The following ADAM12 variants were observed in gnomAD, a reference collection of about 807,000 sequenced individuals.
ADAM12 encodes the protein ADAM metallopeptidase domain 12.
In ADAM12, 70 loss-of-function variants were observed where a neutral mutation model predicts 106.4. That is an observed-to-expected ratio of 0.66 (90% CI 0.54 to 0.80). The LOEUF (loss-of-function observed/expected upper bound fraction) is 0.80. Ranked by LOEUF, ADAM12 falls within the 30% of genes least tolerant of loss-of-function variation. The pLI, the probability that ADAM12 is intolerant of heterozygous loss-of-function variation, is 0.00. For synonymous variants in ADAM12, 420 were observed against 433.5 expected (o/e 0.97, Z 0.39); for missense variants, 1,010 against 1,171.9 (o/e 0.86, Z 2.02).
Position 126,066,830 on chromosome 10 carries a change from T to C in ADAM12, c.1324-24A>G, listed in dbSNP as rs1407565170. The C allele has an allele frequency of 6.2e-7, 1 of 1,603,316 alleles. No individual in the cohort carries two copies. Among genetic ancestry groups the C allele is most frequent in the Non-Finnish European group, 8.5e-7 (1 of 1,170,498 alleles). The stretch of plus-strand genomic sequence containing the variant: ...TCCTGGAAAGGGGAATGGCATTTGT[T>C]TGACAGGGTCTTATGGAGTATGCAC... On this transcript the variant is annotated intron_variant, in intron 12 of 22. Transcript: ENST00000448723. This position sits in a 1 kb window ranked among gnomAD's most constrained non-coding sequence, Gnocchi z 5.1.
At chr10:126,164,030 A>G (rs1336975131) in intron 3 of ADAM12, among the ~76,000 whole-genome samples, 1 of 152,230 alleles carries the variant, frequency 6.6e-6, no homozygotes, top group East Asian at 1.9e-4. Context: ...CATTATTTCA[A>G]GAATTCTGAA....
intron 3 of ADAM12, among the ~76,000 whole-genome samples, chr10:126,221,960 C>G (rs1034948629): frequency 6.6e-6 from 1 of 152,206 alleles, no homozygotes; most frequent in African/African-American, 2.4e-5. Flanking sequence ...CAGGTTAGGT[C>G]ACAAGAAGTC....
chr10:126,084,491 A>G (rs1022868474), intron 11 of ADAM12, among the ~76,000 whole-genome samples: 8 of 152,220 alleles, frequency 5.3e-5, no homozygotes, highest in Non-Finnish European at 1.0e-4. Context: ...GACAGTGGGC[A>G]TGTCTGAAAT....
At chr10:126,215,165 G>T (rs1323778989) in intron 3 of ADAM12, among the ~76,000 whole-genome samples, 1 of 152,168 alleles carries the variant, frequency 6.6e-6, no homozygotes, top group Non-Finnish European at 1.5e-5. Flanking sequence ...TGTGGTTCTG[G>T]TCTACCTGGG....
At chr10:126,328,044 C>T (rs1249538417) in intron 2 of ADAM12, among the ~76,000 whole-genome samples, 1 of 152,222 alleles carries the variant, frequency 6.6e-6, no homozygotes, top group Non-Finnish European at 1.5e-5. Flanking sequence ...ACTATCTTTC[C>T]TTCTTAGAAA....
At chr10:126,210,588 T>C (rs1957882994) in intron 3 of ADAM12, among the ~76,000 whole-genome samples, 1 of 152,148 alleles carries the variant, frequency 6.6e-6, no homozygotes, top group South Asian at 2.1e-4. Flanking sequence ...GACTGTTGAA[T>C]AAAAGAAGTC....
chr10:126,041,765 C>G, intron 18 of ADAM12: 5 of 1,070,822 alleles, frequency 4.7e-6, no homozygotes, highest in Non-Finnish European at 5.7e-6. Context: ...CTGGGCCCAA[C>G]CCTTGCTTCT....
intron 14 of ADAM12, among the ~76,000 whole-genome samples, chr10:126,063,694 AAG>A (rs1239268647): frequency 6.6e-6 from 1 of 152,180 alleles, no homozygotes; most frequent in African/African-American, 2.4e-5. Context: ...TCATAAGGGA[AAG>A]AGAACTGCAG....
chr10:126,159,307 C>CAAAAAAAAA lies in ADAM12; in HGVS notation c.261-4011_261-4003dup, dbSNP rs3069557. Among the ~76,000 whole-genome samples the CAAAAAAAAA allele has an allele frequency of 1.8e-3, 148 of 80,582 alleles. 13 individuals are homozygous for CAAAAAAAAA. Among genetic ancestry groups the CAAAAAAAAA allele is most frequent in the East Asian group, 8.0e-3 (23 of 2,888 alleles). The allele number at this position is 80,582 out of a possible 152,430, so 52.9% of individuals were successfully genotyped here. ...CCTGGGCAACAGAGCGAGACTCCAT[C>CAAAAAAAAA]AAAAAAAAAAAAAAAAAAAAAAAAG... On this transcript the variant is annotated intron_variant, in intron 3 of 22. Coordinates refer to ENST00000448723, the MANE Select transcript of ADAM12 (RefSeq NM_001288973.2).
chr10:126,372,140 C>T (rs1032191630), intron 1 of ADAM12, among the ~76,000 whole-genome samples: 1 of 152,176 alleles, frequency 6.6e-6, no homozygotes, highest in South Asian at 2.1e-4. Flanking sequence ...TTCTCTGCCA[C>T]CCCCTCTGTC....
chr10:126,384,454 GGA>G, intron 1 of ADAM12, among the ~76,000 whole-genome samples: 1 of 152,248 alleles, frequency 6.6e-6, no homozygotes, highest in South Asian at 2.1e-4. Context: ...ATTCAACACA[GGA>G]AGGATGCAAG....
At chr10:126,370,266 G>A (rs181647077) in intron 1 of ADAM12, among the ~76,000 whole-genome samples, 160 of 152,330 alleles carry the variant, frequency 1.1e-3, no homozygotes, top group African/African-American at 3.6e-3. Context: ...AGGTGTGATA[G>A]TAAGCCACTA....
chr10:126,094,142 A>G lies in ADAM12; in HGVS notation c.997-9T>C. On this transcript the variant is annotated splice_polypyrimidine_tract_variant and intron_variant, in intron 10 of 22. Transcript: ENST00000448723. ...GGATTGTCTGAATGGTCCTCAAAGA[A>G]AACACAAAAGTACAGGTGTATAATT... 1 of 1,613,250 alleles carries G rather than the reference A, an allele frequency of 6.2e-7. No individual in the cohort carries two copies. The highest frequency in any genetic ancestry group is 1.1e-5 in the South Asian group (1 of 90,932).
chr10:126,044,239 C>T (rs1449678491), intron 17 of ADAM12, among the ~76,000 whole-genome samples: 3 of 151,068 alleles, frequency 2.0e-5, no homozygotes, highest in African/African-American at 7.3e-5. Context: ...AGTTCAAGAC[C>T]AGCCTAGCCA....
At chr10:126,203,934 G>GCT (rs1957748108) in intron 3 of ADAM12, among the ~76,000 whole-genome samples, 3 of 89,544 alleles carry the variant, frequency 3.4e-5, no homozygotes, top group African/African-American at 9.2e-5. Flanking sequence ...GAGTGCGCGC[G>GCT]CGCGCGTGTG....
At chr10:126,345,425 C>G (rs1294269351) in intron 1 of ADAM12, among the ~76,000 whole-genome samples, 1 of 152,114 alleles carries the variant, frequency 6.6e-6, no homozygotes, top group East Asian at 1.9e-4. Flanking sequence ...ATTCGGTTTG[C>G]CAGTATTTTA....
chr10:126,026,867 A>G (rs1240974647), intron 21 of ADAM12, among the ~76,000 whole-genome samples: 1 of 152,224 alleles, frequency 6.6e-6, no homozygotes, highest in East Asian at 1.9e-4. Flanking sequence ...TAAAAGAACT[A>G]GAGAAACAAG....
chr10:126,082,834 A>G (rs1292990967), intron 11 of ADAM12, among the ~76,000 whole-genome samples: 1 of 152,330 alleles, frequency 6.6e-6, no homozygotes, highest in East Asian at 1.9e-4. Flanking sequence ...GTCCTCTTAC[A>G]GTATGAGGGG....
chr10:126,210,957 T>C (rs1338408247), intron 3 of ADAM12, among the ~76,000 whole-genome samples: 1 of 152,096 alleles, frequency 6.6e-6, no homozygotes, highest in Non-Finnish European at 1.5e-5. Context: ...CTCTGAGTAA[T>C]TGCCTTTTTC....
Sources: allele counts gnomAD v4.1 joint callset (sites outside exome capture counted in the v4.1 genomes callset), GRCh38; gene constraint gnomAD v4.1.1; non-coding constraint Gnocchi (gnomAD v3.1); transcripts MANE v1.5; gene names NCBI Gene and HGNC (gene_info 2026-07-23, HGNC 2026-07-21).